The following RSF1 variants were observed in gnomAD, a reference collection of about 807,000 sequenced individuals.
RSF1 encodes HBV pX-associated protein 8.
RSF1 carries 13 observed loss-of-function variants against 145.2 expected under a neutral mutation model. The observed-to-expected ratio is 0.09, with a 90% CI of 0.06 to 0.14. The LOEUF is 0.14. Among genes scored for constraint, RSF1 ranks in the 10% least tolerant of loss-of-function variants. RSF1 has a pLI of 1.00. For synonymous variants in RSF1, 577 were observed against 592.6 expected (o/e 0.97, Z 0.38); for missense variants, 1,517 against 1,718.2 (o/e 0.88, Z 2.07).
At chr11:77,670,010 T>C (rs1198954524) in intron 15 of RSF1, among the ~76,000 whole-genome samples, 3 of 152,234 alleles carry the variant, frequency 2.0e-5, no homozygotes, top group Non-Finnish European at 4.4e-5. Flanking sequence ...ATGCCACTTC[T>C]AGCCACTTGG....
chr11:77,775,056 C>G (rs573506582), intron 1 of RSF1, among the ~76,000 whole-genome samples: 1 of 151,656 alleles, frequency 6.6e-6, no homozygotes, highest in African/African-American at 2.4e-5. Context: ...TGAGCCACTG[C>G]GCCCGGCCGT....
chr11:77,781,896 A>G (rs529390288), intron 1 of RSF1, among the ~76,000 whole-genome samples: 1 of 152,334 alleles, frequency 6.6e-6, no homozygotes, highest in East Asian at 1.9e-4. Context: ...CCTAATGAAC[A>G]GCATTATGAA....
At chr11:77,742,622 CTT>C (rs1302125112) in intron 3 of RSF1, among the ~76,000 whole-genome samples, 33 of 152,254 alleles carry the variant, frequency 2.2e-4, no homozygotes, top group Non-Finnish European at 2.1e-4. Context: ...CTTGTTATCT[CTT>C]GTCTTGTCTT....
the RSF1 span, among the ~76,000 whole-genome samples, chr11:77,858,403 C>CTCGAATGCT: frequency 2.3e-3 from 333 of 146,560 alleles, 2 homozygotes; most frequent in African/African-American, 8.3e-3. Flanking sequence ...TTGCCATTGC[C>CTCGAATGCT]GGCTCGAATG....
intron 1 of RSF1, among the ~76,000 whole-genome samples, chr11:77,806,366 AC>A (rs1264794284): frequency 6.6e-6 from 1 of 152,234 alleles, no homozygotes; most frequent in Non-Finnish European, 1.5e-5. Flanking sequence ...GAGGTTAATA[AC>A]ATATGCTTTT....
the RSF1 span, chr11:77,872,068 G>T: frequency 7.9e-7 from 1 of 1,272,874 alleles, no homozygotes; most frequent in South Asian, 1.7e-5. Context: ...ATCGTGAAGT[G>T]ACGATTGTCA....
intron 2 of RSF1, among the ~76,000 whole-genome samples, chr11:77,758,410 A>G (rs1948137853): frequency 6.6e-6 from 1 of 152,196 alleles, no homozygotes; most frequent in South Asian, 2.1e-4. Context: ...ATGCTGCAAT[A>G]AACACTGGCA....
At chr11:77,692,873 T>A (rs1183781876) in intron 8 of RSF1, among the ~76,000 whole-genome samples, 1 of 151,886 alleles carries the variant, frequency 6.6e-6, no homozygotes, top group South Asian at 2.1e-4. Context: ...AGACAGAGTT[T>A]CACCATGTTG....
At chr11:77,761,102 A>G (rs567679068) in intron 2 of RSF1, among the ~76,000 whole-genome samples, 1 of 151,942 alleles carries the variant, frequency 6.6e-6, no homozygotes, top group Admixed American at 6.6e-5. Context: ...ACGCCCAGCT[A>G]ATTTTTTTTT....
chr11:77,828,142 A>G, the RSF1 span, among the ~76,000 whole-genome samples: 1 of 151,878 alleles, frequency 6.6e-6, no homozygotes, highest in African/African-American at 2.4e-5. Context: ...GGGCATGGTG[A>G]TGCGCACCTG....
upstream of RSF1, chr11:77,820,751 G>C: frequency 2.6e-6 from 4 of 1,528,156 alleles, no homozygotes; most frequent in Non-Finnish European, 3.5e-6. Context: ...CGATGGGGGG[G>C]CGGGGGAAGT....
the RSF1 span, among the ~76,000 whole-genome samples, chr11:77,844,951 A>G: frequency 6.6e-6 from 1 of 152,084 alleles, no homozygotes; most frequent in African/African-American, 2.4e-5. Flanking sequence ...TTTTGGCTTC[A>G]TTGGTTTCTA....
At chr11:77,679,499 CCT>C (rs533453901) in intron 11 of RSF1, among the ~76,000 whole-genome samples, 59 of 152,014 alleles carry the variant, frequency 3.9e-4, no homozygotes, top group African/African-American at 1.3e-3. Context: ...ATGGTGAACC[CCT>C]GTCTCTATAA....
At chr11:77,848,048 G>A in the RSF1 span, among the ~76,000 whole-genome samples, 1 of 152,164 alleles carries the variant, frequency 6.6e-6, no homozygotes, top group Non-Finnish European at 1.5e-5. Context: ...GGGGAGGGTA[G>A]TCTACCGAGT....
intron 11 of RSF1, among the ~76,000 whole-genome samples, chr11:77,681,382 T>C (rs1267075264): frequency 1.3e-5 from 2 of 152,220 alleles, no homozygotes; most frequent in Non-Finnish European, 2.9e-5. Flanking sequence ...TGTATTTCAT[T>C]CATACATGCT....
intron 5 of RSF1, among the ~76,000 whole-genome samples, chr11:77,717,463 A>C (rs890328303): frequency 5.3e-5 from 8 of 152,190 alleles, no homozygotes; most frequent in African/African-American, 1.9e-4. Flanking sequence ...CTAAGGCTAG[A>C]TGTTGCTCCT....
chr11:77,739,314 AAAG>A (rs1389507138), intron 4 of RSF1: 2 of 152,668 alleles, frequency 1.3e-5, no homozygotes, highest in Non-Finnish European at 2.9e-5. Context: ...CTTCATCTAC[AAAG>A]AAGAAAAGAA....
the RSF1 span, chr11:77,866,583 G>A: frequency 6.6e-6 from 1 of 152,132 alleles, no homozygotes; most frequent in Non-Finnish European, 1.5e-5. Flanking sequence ...CCACTCCAAT[G>A]GGCTGTGGCT....
chr11:77,686,408 CAA>C lies in RSF1; in HGVS notation c.2901-1251_2901-1250del, dbSNP rs564410248. On this transcript the variant is annotated intron_variant, in intron 9 of 15. Coordinates refer to ENST00000308488, the MANE Select transcript of RSF1 (RefSeq NM_016578.4). ...GGGCATCAAGAGTGAGACCCTGTCT[CAA>C]AAAAAAAAAAAAAAAAAAGCAGGTG... Among the ~76,000 whole-genome samples, 23 of 37,114 alleles carry C rather than the reference CAA, an allele frequency of 6.2e-4. 2 individuals carry two copies. Among genetic ancestry groups the C allele is most frequent in the Admixed American group, 7.2e-4 (2 of 2,792 alleles). The allele number at this position is 37,114 out of a possible 152,430, so 24.3% of individuals were successfully genotyped here. A position where few individuals can be genotyped will look rare whatever the true frequency, so the allele number is the denominator to read the frequency against.
Sources: gnomAD v4.1 joint callset for allele counts (sites outside exome capture counted in the v4.1 genomes callset) on GRCh38, gnomAD v4.1.1 for gene constraint, MANE v1.5 for transcripts, NCBI Gene and HGNC (gene_info 2026-07-23, HGNC 2026-07-21) for gene names.